The following CHMP2B variants were observed in gnomAD, a reference collection of about 807,000 sequenced individuals.
CHMP2B encodes VPS2 homolog B.
CHMP2B carries 22 observed loss-of-function variants against 29.8 expected under a neutral mutation model. That is an observed-to-expected ratio of 0.74 (90% confidence interval 0.53 to 1.05). The LOEUF is 1.05. Ranked by LOEUF, CHMP2B falls within the 50% of genes least tolerant of loss-of-function variation. The pLI, the probability that CHMP2B is intolerant of heterozygous loss-of-function variation, is 0.00. For synonymous variants in CHMP2B, 78 were observed against 75.8 expected (o/e 1.03, Z -0.15); for missense variants, 261 against 252.2 (o/e 1.03, Z -0.24).
At position 87,240,775 on chromosome 3, in the gene CHMP2B, A is replaced by G. The variant is rs376846232; in HGVS notation, c.111A>G (p.Lys37=). 1.1e-5 allele frequency: 18 copies of G among 1,612,406 alleles called. No individual in the cohort carries two copies. The African/African-American group carries it at 2.1e-4, about 19-fold the overall frequency. Residue 37 remains lysine (K), a synonymous_variant, in exon 2 of 6, where the codon AAA becomes AAG. Coordinates refer to ENST00000263780, the MANE Select transcript of CHMP2B (RefSeq NM_014043.4). ...AIIRDRAALE[K]QEKQLELEIK... Reference sequence around the variant, plus strand: ...TCAGAGATCGAGCAGCTTTAGAGAAACAAGAAAAACAGCTGGTAAGTAGAA... The same window carrying G: ...TCAGAGATCGAGCAGCTTTAGAGAAGCAAGAAAAACAGCTGGTAAGTAGAA...
chr3:87,241,496 A>G (rs1185322415), intron 2 of CHMP2B, among the ~76,000 whole-genome samples: 7 of 152,146 alleles, frequency 4.6e-5, no homozygotes, highest in Admixed American at 6.5e-5. Context: ...GGTGAAGCAA[A>G]TACTGATCTG....
intron 4 of CHMP2B, among the ~76,000 whole-genome samples, chr3:87,252,306 GTCTT>G (rs1327221906): frequency 1.3e-5 from 2 of 151,734 alleles, no homozygotes; most frequent in East Asian, 3.9e-4. Flanking sequence ...TAGGTTACCT[GTCTT>G]TCTTTTTCTG....
chr3:87,249,657 G>GT (rs1398262974), intron 3 of CHMP2B, among the ~76,000 whole-genome samples: 4 of 151,966 alleles, frequency 2.6e-5, no homozygotes, highest in Non-Finnish European at 5.9e-5. Flanking sequence ...TTCAGATGAG[G>GT]TTTTTCACAC....
intron 1 of CHMP2B, among the ~76,000 whole-genome samples, chr3:87,228,821 T>C (rs1284773028): frequency 1.3e-5 from 2 of 152,182 alleles, no homozygotes; most frequent in African/African-American, 4.8e-5. Context: ...GAAATGGATT[T>C]TATGTGTGCT....
At chr3:87,251,022 T>C (rs1463558054) in intron 4 of CHMP2B, among the ~76,000 whole-genome samples, 1 of 151,942 alleles carries the variant, frequency 6.6e-6, no homozygotes, top group African/African-American at 2.4e-5. Flanking sequence ...AAATAGAAAA[T>C]TAAATGTTTT....
In CHMP2B at chr3:87,253,864, G is replaced by T; in HGVS notation, c.*42G>T. 1 of 1,391,954 alleles carries T rather than the reference G, an allele frequency of 7.2e-7. No homozygotes were observed. Among genetic ancestry groups the T allele is most frequent in the Middle Eastern group, 1.8e-4 (1 of 5,508 alleles). The allele number at this position is 1,391,954 out of a possible 1,614,324, so 86.2% of individuals were successfully genotyped here. ...TATTTTGCTTACTTATAATTATGTAGTATAAACCAAGCACAGTGCAGATTT... is the reference window on the plus strand; with the variant it reads ...TATTTTGCTTACTTATAATTATGTATTATAAACCAAGCACAGTGCAGATTT... On this transcript the variant is annotated 3_prime_UTR_variant, in exon 6 of 6. Transcript: ENST00000263780.
intron 1 of CHMP2B, among the ~76,000 whole-genome samples, chr3:87,233,918 A>G (rs1705951098): frequency 6.6e-6 from 1 of 152,176 alleles, no homozygotes; most frequent in Non-Finnish European, 1.5e-5. Flanking sequence ...CCTTATAGTG[A>G]AAAACACAGC....
At chr3:87,240,837 A>G in intron 2 of CHMP2B, 47 bp downstream of exon 2, 1 of 1,415,208 alleles carries the variant, frequency 7.1e-7, no homozygotes, top group African/African-American at 1.4e-5. Flanking sequence ...ACAAATTTGG[A>G]AATTACTGTA....
At chr3:87,242,787 G>A (rs1706142267) in intron 2 of CHMP2B, among the ~76,000 whole-genome samples, 1 of 152,038 alleles carries the variant, frequency 6.6e-6, no homozygotes, top group South Asian at 2.1e-4. Context: ...CTGTTCCATT[G>A]ATTTACATGA....
intron 3 of CHMP2B, among the ~76,000 whole-genome samples, chr3:87,247,492 A>G (rs987976744): frequency 6.6e-6 from 1 of 152,224 alleles, no homozygotes; most frequent in African/African-American, 2.4e-5. Context: ...ACACTAAGTA[A>G]ACTATGGAAA....
chr3:87,253,866 A>G lies in CHMP2B; in HGVS notation c.*44A>G. Reference sequence around the variant, plus strand: ...TTTTGCTTACTTATAATTATGTAGTATAAACCAAGCACAGTGCAGATTTCT... The same window carrying G: ...TTTTGCTTACTTATAATTATGTAGTGTAAACCAAGCACAGTGCAGATTTCT... On this transcript the variant is annotated 3_prime_UTR_variant, in exon 6 of 6. Coordinates refer to ENST00000263780, the MANE Select transcript of CHMP2B (RefSeq NM_014043.4). 2 of 1,405,092 alleles carry G rather than the reference A, an allele frequency of 1.4e-6. No homozygotes were observed. The highest frequency in any genetic ancestry group is 2.0e-6 in the Non-Finnish European group (2 of 993,404). 87.0% of individuals were successfully genotyped at this position (1,405,092 alleles called of 1,614,324 possible).
chr3:87,243,443 G>A lies in CHMP2B; in HGVS notation c.127-2271G>A, dbSNP rs1347827898. The stretch of plus-strand genomic sequence containing the variant: ...GATGGAGTTTCACTTTTATTGCCCA[G>A]GCGGCAGTGCAGTGTTTTTATTTGA... On this transcript the variant is annotated intron_variant, in intron 2 of 5. Coordinates refer to ENST00000263780, the MANE Select transcript of CHMP2B (RefSeq NM_014043.4). Among the ~76,000 whole-genome samples, 4 of 152,028 alleles carry A rather than the reference G, an allele frequency of 2.6e-5. No homozygotes were observed. The East Asian group carries it at 7.7e-4, about 29-fold the overall frequency.
intron 3 of CHMP2B, 148 bp from the exon 4 acceptor site, chr3:87,249,727 T>A (rs1226917980): frequency 2.0e-6 from 1 of 497,536 alleles, no homozygotes; most frequent in African/African-American, 2.0e-5. Flanking sequence ...CATTTTTTTC[T>A]AGAATATTTA....
At chr3:87,233,962 G>C (rs1705952969) in intron 1 of CHMP2B, among the ~76,000 whole-genome samples, 1 of 152,128 alleles carries the variant, frequency 6.6e-6, no homozygotes, top group African/African-American at 2.4e-5. Flanking sequence ...TAGTAGATCA[G>C]CTTGAATCCT....
chr3:87,227,597 T>C (rs775727022), intron 1 of CHMP2B, 41 bp downstream of exon 1: 4 of 1,613,782 alleles, frequency 2.5e-6, no homozygotes. Context: ...GCTCTGCGTT[T>C]TCTCGGCGTC....
chr3:87,229,879 G>A (rs527379031), intron 1 of CHMP2B, among the ~76,000 whole-genome samples: 131 of 152,208 alleles, frequency 8.6e-4, no homozygotes, highest in African/African-American at 3.0e-3. Context: ...CAACATTACA[G>A]CACTTATTAC....
At chr3:87,246,426 C>G (rs373581861) in intron 3 of CHMP2B, among the ~76,000 whole-genome samples, 2 of 152,096 alleles carry the variant, frequency 1.3e-5, no homozygotes, top group Non-Finnish European at 2.9e-5. Context: ...CATGAGCCAC[C>G]GCGCCCAGCC....
chr3:87,233,861 T>A (rs947077177), intron 1 of CHMP2B, among the ~76,000 whole-genome samples: 5 of 152,198 alleles, frequency 3.3e-5, no homozygotes, highest in Non-Finnish European at 1.5e-5. Context: ...AAGAAATACA[T>A]TTAATAGTAG....
chr3:87,233,739 G>T (rs2106893849), intron 1 of CHMP2B, among the ~76,000 whole-genome samples: 1 of 152,276 alleles, frequency 6.6e-6, no homozygotes, highest in East Asian at 1.9e-4. Flanking sequence ...AGTTAATGGA[G>T]ATTATAAAGT....
Sources: allele counts gnomAD v4.1 joint callset (sites outside exome capture counted in the v4.1 genomes callset), GRCh38; gene constraint gnomAD v4.1.1; transcripts MANE v1.5; gene names NCBI Gene and HGNC (gene_info 2026-07-23, HGNC 2026-07-21).